Variants in DPY19L1 observed in about 807,000 individuals in gnomAD.
The protein encoded by DPY19L1 is dpy-19 like C-mannosyltransferase 1.
In DPY19L1, 35 loss-of-function variants were observed where a neutral mutation model predicts 96.9. That is an observed-to-expected ratio of 0.36 (90% CI 0.28 to 0.48). DPY19L1 has a LOEUF of 0.48. Ranked by LOEUF, DPY19L1 falls within the 20% of genes least tolerant of loss-of-function variation. The probability of loss-of-function intolerance (pLI) is 0.99; values close to 1 mark genes in which losing one functional copy is unlikely to be tolerated. For synonymous variants in DPY19L1, 205 were observed against 252.6 expected (o/e 0.81, Z 1.79); for missense variants, 521 against 777.9 (o/e 0.67, Z 3.93).
chr7:35,017,215 C>A (rs190700786), intron 3 of DPY19L1, among the ~76,000 whole-genome samples: 46 of 151,944 alleles, frequency 3.0e-4, no homozygotes, highest in Middle Eastern at 3.4e-3. Context: ...GATAGTTGGC[C>A]GGGCACGGTG....
upstream of DPY19L1, chr7:35,037,645 G>A (rs1261973632): frequency 1.7e-5 from 4 of 230,302 alleles, no homozygotes; most frequent in African/African-American, 2.3e-5. Context: ...CGCTCCGGTT[G>A]TCACGGCGAC....
intron 10 of DPY19L1, among the ~76,000 whole-genome samples, chr7:34,963,287 A>G (rs1584222035): frequency 6.6e-6 from 1 of 152,112 alleles, no homozygotes; most frequent in Non-Finnish European, 1.5e-5. Flanking sequence ...CCACGGTGAG[A>G]TATCACCTTA....
At position 34,929,407 on chromosome 7, in the gene DPY19L1, A is replaced by G. The variant is rs1004718044; in HGVS notation, c.*2166T>C. On this transcript the variant is annotated 3_prime_UTR_variant, in exon 22 of 22. Transcript: ENST00000638088. The stretch of plus-strand genomic sequence containing the variant: ...GTTACATTCATAAACACTGCTACAA[A>G]AGGATCCTTCTGGAAAAAGCTAATT... The G allele has an allele frequency of 2.0e-5, 3 of 152,162 alleles. No individual in the cohort carries two copies. The highest frequency in any genetic ancestry group is 7.2e-5 in the African/African-American group (3 of 41,430). 9.4% of individuals were successfully genotyped at this position (152,162 alleles called of 1,614,324 possible).
intron 1 of DPY19L1, among the ~76,000 whole-genome samples, chr7:35,026,353 C>T (rs1786120119): frequency 6.6e-6 from 1 of 152,164 alleles, no homozygotes; most frequent in South Asian, 2.1e-4. Flanking sequence ...CTTTAAAGAG[C>T]AGTGTCTCAA....
At chr7:34,965,886 CCTT>C (rs1784598222) in intron 10 of DPY19L1, among the ~76,000 whole-genome samples, 1 of 152,116 alleles carries the variant, frequency 6.6e-6, no homozygotes, top group African/African-American at 2.4e-5. Context: ...TTGGCTAACT[CCTT>C]CTCCTTCTTC....
intron 7 of DPY19L1, among the ~76,000 whole-genome samples, chr7:34,986,428 G>T (rs1323376160): frequency 6.6e-6 from 1 of 151,934 alleles, no homozygotes; most frequent in Non-Finnish European, 1.5e-5. Context: ...ATTATTATTT[G>T]TAAGTTAAAA....
intron 21 of DPY19L1, among the ~76,000 whole-genome samples, chr7:34,933,350 C>T (rs1461149826): frequency 6.6e-6 from 1 of 152,204 alleles, no homozygotes; most frequent in African/African-American, 2.4e-5. Context: ...ATCCTGGTAG[C>T]TTAGTTCCCA....
In DPY19L1 at chr7:34,930,264, T is replaced by C. The variant is rs1009503139; in HGVS notation, c.*1309A>G. The C allele has an allele frequency of 2.6e-5, 4 of 152,202 alleles. No individual in the cohort carries two copies. Among genetic ancestry groups the C allele is most frequent in the Admixed American group, 1.3e-4 (2 of 15,286 alleles). The allele number at this position is 152,202 out of a possible 1,614,324, so 9.4% of individuals were successfully genotyped here. The stretch of plus-strand genomic sequence containing the variant: ...AACCTTTTCTCAGAGCTATGAGGTT[T>C]CATCGTTTTGAAGAATCTCATTTCA... On this transcript the variant is annotated 3_prime_UTR_variant, in exon 22 of 22. Coordinates refer to ENST00000638088, the MANE Select transcript of DPY19L1 (RefSeq NM_001366673.1).
At chr7:35,035,401 G>A (rs756965459) in intron 1 of DPY19L1, among the ~76,000 whole-genome samples, 2 of 152,112 alleles carry the variant, frequency 1.3e-5, no homozygotes, top group Non-Finnish European at 2.9e-5. Flanking sequence ...TCCATCCAAA[G>A]AAGATTCAAA....
chr7:35,000,317 G>A (rs1359343097), intron 6 of DPY19L1: 1 of 151,650 alleles, frequency 6.6e-6, no homozygotes, highest in Non-Finnish European at 1.5e-5. Flanking sequence ...CCAAAAAAAA[G>A]AAAAACTTTC....
chr7:35,007,968 C>A (rs1785605427), intron 6 of DPY19L1, among the ~76,000 whole-genome samples: 1 of 152,140 alleles, frequency 6.6e-6, no homozygotes, highest in South Asian at 2.1e-4. Context: ...AGCACAACCT[C>A]TGTTCCAATC....
At chr7:34,975,048 T>A (rs1170984851) in intron 7 of DPY19L1, among the ~76,000 whole-genome samples, 1 of 151,996 alleles carries the variant, frequency 6.6e-6, no homozygotes. Context: ...CTCCCTCCCA[T>A]CGGGCCTCCA....
intron 19 of DPY19L1, 23 bp downstream of exon 19, chr7:34,940,126 CTTTT>C (rs748459736): frequency 2.8e-5 from 40 of 1,418,146 alleles, no homozygotes; most frequent in African/African-American, 1.8e-4. Context: ...AATAATATGA[CTTTT>C]TTTTTCTTTT....
chr7:34,973,900 G>T (rs951013137), intron 7 of DPY19L1, among the ~76,000 whole-genome samples: 1 of 152,118 alleles, frequency 6.6e-6, no homozygotes, highest in African/African-American at 2.4e-5. Context: ...GTACCAGCAA[G>T]AAAACGTTCT....
intron 1 of DPY19L1, among the ~76,000 whole-genome samples, chr7:35,023,838 T>TTTTC (rs1786055904): frequency 6.2e-5 from 6 of 96,324 alleles, no homozygotes; most frequent in Admixed American, 4.4e-4. Flanking sequence ...CTTTTCTTTT[T>TTTTC]TTTTTTTTTT....
chr7:34,965,667 T>C (rs889865501), intron 10 of DPY19L1, among the ~76,000 whole-genome samples: 1 of 152,134 alleles, frequency 6.6e-6, no homozygotes, highest in Non-Finnish European at 1.5e-5. Context: ...TTCTTTTATA[T>C]GTATAAATTA....
intron 7 of DPY19L1, among the ~76,000 whole-genome samples, chr7:34,974,207 A>G (rs1208133792): frequency 6.6e-6 from 1 of 152,226 alleles, no homozygotes; most frequent in African/African-American, 2.4e-5. Flanking sequence ...GACATAATTA[A>G]GCAATGTACT....
At position 34,929,363 on chromosome 7, in the gene DPY19L1, T is replaced by C. The variant is rs1206658771; in HGVS notation, c.*2210A>G. On this transcript the variant is annotated 3_prime_UTR_variant, in exon 22 of 22. Coordinates refer to ENST00000638088, the MANE Select transcript of DPY19L1 (RefSeq NM_001366673.1). ...GCTCCAAACTGGCTCCCCTAATATA[T>C]AGCCATATTTTGCTGGGGGTTACAT... The C allele has an allele frequency of 2.0e-5, 3 of 152,182 alleles. No homozygotes were observed. The highest frequency in any genetic ancestry group is 2.9e-5 in the Non-Finnish European group (2 of 68,042). 9.4% of individuals were successfully genotyped at this position (152,182 alleles called of 1,614,324 possible). A position where few individuals can be genotyped will look rare whatever the true frequency, so the allele number is the denominator to read the frequency against.
intron 15 of DPY19L1, among the ~76,000 whole-genome samples, chr7:34,947,153 G>A (rs940891703): frequency 1.6e-4 from 25 of 152,256 alleles, no homozygotes; most frequent in Middle Eastern, 6.8e-3. Flanking sequence ...GAATTTTATC[G>A]TCAAAGCCAA....
Sources: gnomAD v4.1 joint callset for allele counts (sites outside exome capture counted in the v4.1 genomes callset) on GRCh38, gnomAD v4.1.1 for gene constraint, MANE v1.5 for transcripts, NCBI Gene and HGNC (gene_info 2026-07-23, HGNC 2026-07-21) for gene names.